The following NMNAT1 variants were observed in gnomAD, a reference collection of about 807,000 sequenced individuals.
NMNAT1 encodes the protein nicotinamide nucleotide adenylyltransferase 1, also known as nicotinamide/nicotinic acid mononucleotide adenylyltransferase 1.
A neutral mutation model predicts 16.7 loss-of-function variants in NMNAT1; 11 were observed. The ratio of observed to expected loss-of-function variants is 0.66; its 90% CI spans 0.41 to 1.09. The LOEUF (loss-of-function observed/expected upper bound fraction) is 1.09, where lower values mean the gene tolerates loss of function less well. Among genes scored for constraint, NMNAT1 ranks in the 50% least tolerant of loss-of-function variants. The pLI is 0.00. For missense variants in NMNAT1, 280 were observed against 332.3 expected, an observed-to-expected ratio of 0.84 and a Z score of 1.22; for synonymous variants, 110 against 119.8, an observed-to-expected ratio of 0.92 and a Z score of 0.53.
Position 9,943,531 on chromosome 1 carries a change from G to C in NMNAT1, c.-57+16G>C, listed in dbSNP as rs1320980649. The C allele has an allele frequency of 6.6e-6, 1 of 152,446 alleles. No homozygotes were observed. The highest frequency in any genetic ancestry group is 1.5e-5 in the Non-Finnish European group (1 of 68,194). The allele number at this position is 152,446 out of a possible 1,614,324, so 9.4% of individuals were successfully genotyped here. On this transcript the variant is annotated intron_variant, in intron 1 of 4. Coordinates refer to ENST00000377205, the MANE Select transcript of NMNAT1 (RefSeq NM_022787.4). ...TGAGGGCGCGGTAAGCTCCCCGCAAGGAGCCCCTGAGAAACTGGTCGCTTT... is the reference window on the plus strand; with the variant it reads ...TGAGGGCGCGGTAAGCTCCCCGCAACGAGCCCCTGAGAAACTGGTCGCTTT...
At chr1:9,949,566 G>A (rs1351457288) in intron 1 of NMNAT1, 1 of 147,442 alleles carries the variant, frequency 6.8e-6, no homozygotes, top group East Asian at 2.0e-4. Flanking sequence ...CACACCAAGA[G>A]GCCCAGCTAA....
intron 3 of NMNAT1, among the ~76,000 whole-genome samples, chr1:9,978,572 T>C (rs1453419723): frequency 6.6e-6 from 1 of 152,210 alleles, no homozygotes; most frequent in African/African-American, 2.4e-5. Context: ...GACTTCCTTT[T>C]CAGACTTGGC....
chr1:9,967,517 T>C (rs1641576095), intron 1 of NMNAT1: 1 of 152,116 alleles, frequency 6.6e-6, no homozygotes, highest in African/African-American at 2.4e-5. Context: ...AGGAAAGAGA[T>C]GAAGAAGTTT....
chr1:9,987,322 C>T (rs1642057174), downstream of NMNAT1, among the ~76,000 whole-genome samples: 1 of 152,084 alleles, frequency 6.6e-6, no homozygotes, highest in South Asian at 2.1e-4. Flanking sequence ...GAGTGAGACC[C>T]TGTGTCTACA....
At chr1:9,957,892 C>T (rs547153248) in intron 1 of NMNAT1, among the ~76,000 whole-genome samples, 2 of 152,202 alleles carry the variant, frequency 1.3e-5, no homozygotes, top group East Asian at 3.9e-4. Context: ...ATAATCAGGT[C>T]GGGCGTGCCT....
chr1:9,972,494 CAAAAAA>C (rs34232396), intron 2 of NMNAT1: 8 of 142,898 alleles, frequency 5.6e-5, no homozygotes, highest in African/African-American at 2.1e-4. Context: ...GACACCATCT[CAAAAAA>C]AAAAAAAAAT....
At chr1:9,966,824 T>A (rs1366577307) in intron 1 of NMNAT1, among the ~76,000 whole-genome samples, 1 of 152,082 alleles carries the variant, frequency 6.6e-6, no homozygotes, top group Non-Finnish European at 1.5e-5. Context: ...AAAAGCAGGT[T>A]ACACATAAAG....
chr1:9,976,912 C>CT (rs201689546), intron 3 of NMNAT1, among the ~76,000 whole-genome samples: 14,125 of 141,490 alleles, frequency 0.1, 981 homozygotes, highest in East Asian at 0.22. Flanking sequence ...CTTTTCTTTT[C>CT]TTTTTTTTTT....
At chr1:9,974,136 G>A (rs922665320) in intron 2 of NMNAT1, among the ~76,000 whole-genome samples, 1 of 151,904 alleles carries the variant, frequency 6.6e-6, no homozygotes, top group Non-Finnish European at 1.5e-5. Context: ...CCATAACATA[G>A]CATAACCATA....
At chr1:9,965,258 A>G (rs1264419236) in intron 1 of NMNAT1, among the ~76,000 whole-genome samples, 5 of 144,652 alleles carry the variant, frequency 3.5e-5, no homozygotes, top group Non-Finnish European at 7.5e-5. Context: ...CGGAGGTTGC[A>G]GTGAGCTGAG....
chr1:9,971,077 G>A (rs1641676587), intron 1 of NMNAT1, among the ~76,000 whole-genome samples: 1 of 152,088 alleles, frequency 6.6e-6, no homozygotes, highest in African/African-American at 2.4e-5. Flanking sequence ...TTGGCTGGTC[G>A]GGGATGGCTA....
intron 1 of NMNAT1, among the ~76,000 whole-genome samples, chr1:9,945,582 TC>T (rs2101630593): frequency 6.6e-6 from 1 of 151,802 alleles, no homozygotes; most frequent in Non-Finnish European, 1.5e-5. Context: ...TGCCTGTAGT[TC>T]CAGCTACTCG....
Position 9,972,093 on chromosome 1 carries a change from C to T in NMNAT1, c.20C>T (p.Thr7Ile). The T allele has an allele frequency of 6.2e-7, 1 of 1,607,016 alleles. No homozygotes were observed. The highest frequency in any genetic ancestry group is 8.5e-7 in the Non-Finnish European group (1 of 1,173,638). MENSEK[T>I]EVVLLACGSF... Reference sequence around the variant, plus strand: ...CTTACCATGGAAAATTCCGAGAAGACTGAAGTGGTTCTCCTTGCTTGTGGT... The same window carrying T: ...CTTACCATGGAAAATTCCGAGAAGATTGAAGTGGTTCTCCTTGCTTGTGGT... The change falls in exon 2 of 5, where the codon ACT becomes ATT. Residue 7 changes from threonine to isoleucine, a missense_variant. Physicochemically the swap from Thr to Ile is moderately conservative, Grantham distance 89. Transcript: ENST00000377205.
chr1:9,988,079 C>T (rs1642066795), downstream of NMNAT1, among the ~76,000 whole-genome samples: 1 of 152,056 alleles, frequency 6.6e-6, no homozygotes, highest in Non-Finnish European at 1.5e-5. Context: ...CTCACTGCAA[C>T]CTCCACCTCT....
chr1:9,975,594 A>G lies in NMNAT1; in HGVS notation c.118A>G (p.Arg40Gly). ...GTGAAACCTAACTTTTTATCTAGGA[A>G]GGTACACAGTTGTCAAAGGCATCAT... is the stretch of plus-strand genomic sequence containing the variant. ...LAKDYMNGTG[R>G]YTVVKGIISP... The change falls in exon 3 of 5, where the codon AGG (arginine) becomes GGG (glycine). Residue 40 changes from arginine (R) to glycine (G), a missense_variant and splice_region_variant. Transcript: ENST00000377205. The G allele has an allele frequency of 6.2e-7, 1 of 1,603,016 alleles. No homozygotes were observed. The highest frequency in any genetic ancestry group is 8.5e-7 in the Non-Finnish European group (1 of 1,175,762).
rs1051633919 is a variant in NMNAT1, at chr1:9,983,970, G to A, written c.*1269G>A. On this transcript the variant is annotated 3_prime_UTR_variant, in exon 5 of 5. Coordinates refer to ENST00000377205, the MANE Select transcript of NMNAT1 (RefSeq NM_022787.4). ...AGAAGTGCCTGTGCCCTGCTCAGCT[G>A]TGACTACTGACCTCAGGACCTCACT... The A allele has an allele frequency of 2.0e-5, 3 of 152,190 alleles. No homozygotes were observed. Among genetic ancestry groups the A allele is most frequent in the African/African-American group, 7.2e-5 (3 of 41,446 alleles). 9.4% of individuals were successfully genotyped at this position (152,190 alleles called of 1,614,324 possible).
At chr1:9,953,448 GT>G (rs57381616) in intron 1 of NMNAT1, among the ~76,000 whole-genome samples, 1 of 144,706 alleles carries the variant, frequency 6.9e-6, no homozygotes, top group Non-Finnish European at 1.5e-5. Context: ...AGCTAATTTT[GT>G]TTTTTTTTTT....
At chr1:9,975,539 G>A in intron 2 of NMNAT1, 53 bp from the exon 3 acceptor site, 11 of 1,302,186 alleles carry the variant, frequency 8.4e-6, no homozygotes, top group Non-Finnish European at 1.1e-5. Flanking sequence ...AATATTTCCT[G>A]TGCATAAAGT....
intron 1 of NMNAT1, among the ~76,000 whole-genome samples, chr1:9,962,460 C>G (rs796322105): frequency 1.4e-5 from 2 of 145,260 alleles, no homozygotes; most frequent in African/African-American, 5.1e-5. Flanking sequence ...CCAGCCTGGG[C>G]GACAGAGCGA....
Sources: gnomAD v4.1 joint callset for allele counts (sites outside exome capture counted in the v4.1 genomes callset) on GRCh38, gnomAD v4.1.1 for gene constraint, MANE v1.5 for transcripts, NCBI Gene and HGNC (gene_info 2026-07-23, HGNC 2026-07-21) for gene names.